The following CHODL variants were observed in gnomAD, a reference collection of about 807,000 sequenced individuals.
CHODL encodes chondrolectin.
CHODL carries 29 observed loss-of-function variants against 34.5 expected under a neutral mutation model. The observed-to-expected ratio is 0.84, with a 90% CI of 0.63 to 1.15. The LOEUF is 1.15. Ranked by LOEUF, CHODL falls within the 50% of genes most tolerant of loss-of-function variation. The pLI, the probability that CHODL is intolerant of heterozygous loss-of-function variation, is 0.00. For synonymous variants in CHODL, 125 were observed against 116.1 expected, an observed-to-expected ratio of 1.08 and a Z score of -0.49; for missense variants, 332 against 332.5, an observed-to-expected ratio of 1.00 and a Z score of 0.01.
intron 1 of CHODL, among the ~76,000 whole-genome samples, chr21:18,019,545 A>T (rs549688098): frequency 1.1e-4 from 16 of 152,314 alleles, no homozygotes; most frequent in African/African-American, 2.9e-4. Flanking sequence ...TGATGTGATT[A>T]TTATACATTG....
chr21:18,128,967 C>T (rs986174877), intron 2 of CHODL, among the ~76,000 whole-genome samples: 2 of 152,164 alleles, frequency 1.3e-5, no homozygotes, highest in South Asian at 2.1e-4. Flanking sequence ...TTATACCCCA[C>T]TTTGTAGTTT....
intron 2 of CHODL, among the ~76,000 whole-genome samples, chr21:18,108,267 T>C (rs1160163513): frequency 6.6e-6 from 1 of 152,152 alleles, no homozygotes; most frequent in Non-Finnish European, 1.5e-5. Flanking sequence ...AAATGCATAA[T>C]ATGCTCTGAA....
intron 2 of CHODL, among the ~76,000 whole-genome samples, chr21:18,151,177 T>C (rs958684530): frequency 1.3e-5 from 2 of 151,602 alleles, no homozygotes; most frequent in Non-Finnish European, 2.9e-5. Flanking sequence ...TTCTTCCTCA[T>C]ATCCAGGAGG....
At chr21:18,219,992 C>T (rs1329032278) in intron 2 of CHODL, among the ~76,000 whole-genome samples, 1 of 152,066 alleles carries the variant, frequency 6.6e-6, no homozygotes, top group African/African-American at 2.4e-5. Flanking sequence ...ATCTTAGCCC[C>T]CAAAATATTT....
intron 2 of CHODL, among the ~76,000 whole-genome samples, chr21:18,028,544 A>G (rs1487525280): frequency 6.6e-6 from 1 of 151,378 alleles, no homozygotes; most frequent in African/African-American, 2.4e-5. Flanking sequence ...CTAAAAATAC[A>G]AAAAATTAGC....
chr21:18,256,827 G>A lies in CHODL; in HGVS notation c.389+9G>A. ...AGCAATTCCCAGTACCGGTGAGTAT[G>A]GATCTTGAGCAGTTGGCAGGTGCTC... On this transcript the variant is annotated intron_variant, in intron 2 of 5. Transcript: ENST00000299295. 6.2e-7 allele frequency: 1 copy of A among 1,608,776 alleles called. No homozygotes were observed. Among genetic ancestry groups the A allele is most frequent in the Middle Eastern group, 1.7e-4 (1 of 6,024 alleles).
intron 2 of CHODL, among the ~76,000 whole-genome samples, chr21:18,136,751 T>C: frequency 7.5e-6 from 1 of 133,768 alleles, no homozygotes; most frequent in African/African-American, 2.9e-5. Flanking sequence ...TATATATATA[T>C]ATGTATACAC....
intron 2 of CHODL, among the ~76,000 whole-genome samples, chr21:18,150,081 A>G (rs2072945303): frequency 6.6e-6 from 1 of 152,174 alleles, no homozygotes; most frequent in Non-Finnish European, 1.5e-5. Flanking sequence ...AGGTGGGACA[A>G]CTTGAAGCAG....
intron 2 of CHODL, among the ~76,000 whole-genome samples, chr21:18,089,667 A>C (rs1205691327): frequency 6.6e-6 from 1 of 152,198 alleles, no homozygotes; most frequent in Admixed American, 6.5e-5. Flanking sequence ...CTGCTTCAAG[A>C]CTACAGATTG....
chr21:18,097,040 C>G (rs1455247446), intron 2 of CHODL, among the ~76,000 whole-genome samples: 2 of 151,978 alleles, frequency 1.3e-5, no homozygotes, highest in Non-Finnish European at 2.9e-5. Flanking sequence ...GATTAAAAAC[C>G]CTAAAAAATT....
chr21:18,053,120 G>T (rs2064536634), intron 2 of CHODL, among the ~76,000 whole-genome samples: 1 of 151,836 alleles, frequency 6.6e-6, no homozygotes, highest in Non-Finnish European at 1.5e-5. Context: ...AGTATTATCA[G>T]CTGTGAATGC....
intron 1 of CHODL, among the ~76,000 whole-genome samples, chr21:18,248,974 TAA>T (rs2074195060): frequency 9.2e-6 from 1 of 109,124 alleles, no homozygotes; most frequent in African/African-American, 4.7e-5. Context: ...TACATATATG[TAA>T]ATATATATTA....
rs760631510 is a variant in CHODL at position 18,247,912 on chromosome 21, A to G, written c.79+2610A>G. On this transcript the variant is annotated intron_variant, in intron 1 of 5. Coordinates refer to ENST00000299295, the MANE Select transcript of CHODL (RefSeq NM_024944.3). ...TTTACTTGTAGGCATAAGGATAAATATGAAGGATTCCAAATTCAGGTCTCT... is the reference window on the plus strand; with the variant it reads ...TTTACTTGTAGGCATAAGGATAAATGTGAAGGATTCCAAATTCAGGTCTCT... Among the ~76,000 whole-genome samples the G allele has an allele frequency of 2.1e-4, 32 of 152,140 alleles. 1 individual carries two copies. Among genetic ancestry groups the G allele is most frequent in the Middle Eastern group, 3.4e-3 (1 of 294 alleles).
chr21:18,177,785 A>T (rs2073334640), intron 2 of CHODL, among the ~76,000 whole-genome samples: 1 of 152,172 alleles, frequency 6.6e-6, no homozygotes, highest in Admixed American at 6.5e-5. Context: ...ATACACTTTG[A>T]AGAAAAATTA....
At chr21:18,092,496 G>C (rs1226300789) in intron 2 of CHODL, among the ~76,000 whole-genome samples, 1 of 152,098 alleles carries the variant, frequency 6.6e-6, no homozygotes, top group Non-Finnish European at 1.5e-5. Context: ...AAGGCACCAG[G>C]GACTAATTCT....
intron 1 of CHODL, among the ~76,000 whole-genome samples, chr21:17,957,402 A>G (rs1252631915): frequency 6.6e-6 from 1 of 152,184 alleles, no homozygotes; most frequent in South Asian, 2.1e-4. Context: ...TACTCTTCCT[A>G]CATGTTTCCT....
chr21:18,087,396 T>C (rs574471743), intron 2 of CHODL, among the ~76,000 whole-genome samples: 5 of 152,242 alleles, frequency 3.3e-5, no homozygotes, highest in Admixed American at 6.5e-5. Flanking sequence ...AGCCCAGTGT[T>C]AAACTCTGAA....
intron 2 of CHODL, among the ~76,000 whole-genome samples, chr21:18,095,010 G>A (rs1393029035): frequency 6.6e-6 from 1 of 151,944 alleles, no homozygotes; most frequent in Non-Finnish European, 1.5e-5. Flanking sequence ...TGTAGCCCCA[G>A]CTACTCAGGA....
At chr21:18,109,555 G>T (rs764252058) in intron 2 of CHODL, among the ~76,000 whole-genome samples, 6 of 152,188 alleles carry the variant, frequency 3.9e-5, no homozygotes, top group East Asian at 3.9e-4. Context: ...CTTAATTTTG[G>T]TCAAGACTTC....
Sources: allele counts gnomAD v4.1 joint callset (sites outside exome capture counted in the v4.1 genomes callset), GRCh38; gene constraint gnomAD v4.1.1; transcripts MANE v1.5; gene names NCBI Gene and HGNC (gene_info 2026-07-23, HGNC 2026-07-21).